EXOG: variants seen among roughly 807,000 people sequenced by gnomAD.
The protein encoded by EXOG is exo/endonuclease G.
EXOG carries 27 observed loss-of-function variants against 25.8 expected under a neutral mutation model. The ratio of observed to expected loss-of-function variants is 1.05; its 90% CI spans 0.77 to 1.45. EXOG has a LOEUF of 1.45. Ranked by LOEUF, EXOG falls within the 40% of genes most tolerant of loss-of-function variation. The pLI is 0.00. For missense variants in EXOG, 458 were observed against 450.5 expected (o/e 1.02, Z -0.15); for synonymous variants, 133 against 167.0 (o/e 0.80, Z 1.57).
Position 38,525,071 on chromosome 3 carries a change from C to G in EXOG, c.*709C>G. 1 of 984,586 alleles carries G rather than the reference C, an allele frequency of 1.0e-6. No individual in the cohort carries two copies. 61.0% of individuals were successfully genotyped at this position (984,586 alleles called of 1,614,324 possible). ...CTGCTCGTTTCTCTACTTCTGTCTA[C>G]GTAGAAGCACTCAGCAACTAGTTTC... On this transcript the variant is annotated 3_prime_UTR_variant, in exon 6 of 6. Coordinates refer to ENST00000287675, the MANE Select transcript of EXOG (RefSeq NM_005107.4).
At chr3:38,523,256 A>T in intron 5 of EXOG, 1 of 1,286,902 alleles carries the variant, frequency 7.8e-7, no homozygotes, top group Non-Finnish European at 1.0e-6. Flanking sequence ...AGAGAAAATG[A>T]CAGCTTTTCT....
intron 5 of EXOG, among the ~76,000 whole-genome samples, chr3:38,509,083 T>C (rs951288048): frequency 2.0e-5 from 3 of 152,168 alleles, no homozygotes; most frequent in Non-Finnish European, 4.4e-5. Context: ...TTTTATAGTC[T>C]TAGGAGAAAA....
intron 5 of EXOG, among the ~76,000 whole-genome samples, chr3:38,521,188 T>A (rs1177061842): frequency 6.6e-6 from 1 of 152,178 alleles, no homozygotes; most frequent in African/African-American, 2.4e-5. Flanking sequence ...TGGCTAAGTT[T>A]TTATTTTTCT....
At chr3:38,503,073 G>C (rs899177927) in intron 3 of EXOG, among the ~76,000 whole-genome samples, 1 of 152,182 alleles carries the variant, frequency 6.6e-6, no homozygotes, top group South Asian at 2.1e-4. Flanking sequence ...GAGAGCGACT[G>C]CTTGAAGAGA....
intron 2 of EXOG, chr3:38,499,833 G>A (rs1575608675): frequency 5.5e-6 from 2 of 364,968 alleles, no homozygotes; most frequent in East Asian, 7.5e-5. Context: ...GTGGCGAATT[G>A]CTAGGTTAGT....
intron 3 of EXOG, 149 bp from the exon 4 acceptor site, chr3:38,503,466 A>G (rs2125759094): frequency 1.9e-6 from 1 of 518,620 alleles, no homozygotes; most frequent in African/African-American, 1.9e-5. Context: ...TCCTGGAATA[A>G]TTATGGCTTT....
At chr3:38,504,182 A>G (rs1575620135) in intron 4 of EXOG, among the ~76,000 whole-genome samples, 1 of 152,122 alleles carries the variant, frequency 6.6e-6, no homozygotes, top group Non-Finnish European at 1.5e-5. Flanking sequence ...GGCCTGGGAC[A>G]TAGTGAAGCC....
intron 5 of EXOG, among the ~76,000 whole-genome samples, chr3:38,522,534 C>T (rs1228926229): frequency 2.0e-5 from 3 of 152,160 alleles, no homozygotes; most frequent in East Asian, 1.9e-4. Flanking sequence ...GATGGAGTTT[C>T]GCTCTTGTTG....
At position 38,525,153 on chromosome 3, in the gene EXOG, A is replaced by G. The variant is rs2060840851; in HGVS notation, c.*791A>G. 1 of 924,214 alleles carries G rather than the reference A, an allele frequency of 1.1e-6. No homozygotes were observed. Among genetic ancestry groups the G allele is most frequent in the Non-Finnish European group, 1.3e-6 (1 of 774,818 alleles). 57.3% of individuals were successfully genotyped at this position (924,214 alleles called of 1,614,324 possible). ...CAGTGCTTTACATGTGTTGTCTCAC[A>G]ATGACTCTCTGAGGTAAATACACTA... On this transcript the variant is annotated 3_prime_UTR_variant, in exon 6 of 6. Coordinates refer to ENST00000287675, the MANE Select transcript of EXOG (RefSeq NM_005107.4).
At chr3:38,508,848 A>G (rs2125773320) in intron 5 of EXOG, among the ~76,000 whole-genome samples, 1 of 152,236 alleles carries the variant, frequency 6.6e-6, no homozygotes, top group African/African-American at 2.4e-5. Context: ...TGAATAGCCC[A>G]CTTTCTCTTT....
chr3:38,525,574 A>C lies in EXOG; in HGVS notation c.*1212A>C. On this transcript the variant is annotated 3_prime_UTR_variant, in exon 6 of 6. Coordinates refer to ENST00000287675, the MANE Select transcript of EXOG (RefSeq NM_005107.4). ...TTGCCTCCAGAGATACAGTTCTTTT[A>C]GTGACCAGATACTGCCAAATTGATG... 2.0e-6 allele frequency: 2 copies of C among 985,340 alleles called. No individual in the cohort carries two copies. The highest frequency in any genetic ancestry group is 2.4e-6 in the Non-Finnish European group (2 of 829,848). 61.0% of individuals were successfully genotyped at this position (985,340 alleles called of 1,614,324 possible).
rs147442144 is a variant in EXOG, at chr3:38,510,789, A to G, written c.645+3821A>G. 1.0e-3 allele frequency among the ~76,000 whole-genome samples: 159 copies of G among 152,168 alleles called. 1 individual carries two copies. The East Asian group carries it at 0.028, about 27-fold the overall frequency. ...TTCAAGCTAGCCTTAAAGAGTTTCA[A>G]AAGAGACCTATCAGCTCTCCTCACC... On this transcript the variant is annotated intron_variant, in intron 5 of 5. Coordinates refer to ENST00000287675, the MANE Select transcript of EXOG (RefSeq NM_005107.4).
chr3:38,521,210 G>A (rs1559699250), intron 5 of EXOG, among the ~76,000 whole-genome samples: 1 of 152,178 alleles, frequency 6.6e-6, no homozygotes, highest in Non-Finnish European at 1.5e-5. Context: ...CTTAGTTCTA[G>A]GGATAGTATT....
chr3:38,501,083 C>T (rs2060030383), intron 2 of EXOG: 1 of 278,160 alleles, frequency 3.6e-6, no homozygotes, highest in Non-Finnish European at 6.7e-6. Flanking sequence ...ACTTAAAATA[C>T]TATTCAGAGG....
intron 5 of EXOG, among the ~76,000 whole-genome samples, chr3:38,519,785 T>C (rs2060651778): frequency 6.6e-6 from 1 of 152,206 alleles, no homozygotes; most frequent in Non-Finnish European, 1.5e-5. Context: ...CTTCCAGGGT[T>C]TGTGCTGCCA....
intron 5 of EXOG, chr3:38,523,208 G>C (rs1192200269): frequency 4.7e-6 from 6 of 1,289,490 alleles, no homozygotes; most frequent in East Asian, 5.6e-5. Flanking sequence ...TTTGACCTTT[G>C]AATGTTTGGA....
At chr3:38,511,383 C>T (rs1232799397) in intron 5 of EXOG, among the ~76,000 whole-genome samples, 1 of 151,868 alleles carries the variant, frequency 6.6e-6, no homozygotes, top group African/African-American at 2.4e-5. Context: ...TCCTAATCCT[C>T]GGAACCATAA....
chr3:38,512,993 G>A (rs1048224040), intron 5 of EXOG, among the ~76,000 whole-genome samples: 2 of 152,046 alleles, frequency 1.3e-5, no homozygotes, highest in Admixed American at 6.6e-5. Context: ...TAGAGGTGGG[G>A]GTCTCACTAT....
chr3:38,522,449 G>T (rs892210549), intron 5 of EXOG, among the ~76,000 whole-genome samples: 9 of 152,198 alleles, frequency 5.9e-5, no homozygotes, highest in African/African-American at 2.2e-4. Context: ...CAGTTATTGG[G>T]GACCATTAAG....
Sources: gnomAD v4.1 joint callset for allele counts (sites outside exome capture counted in the v4.1 genomes callset) on GRCh38, gnomAD v4.1.1 for gene constraint, MANE v1.5 for transcripts, NCBI Gene and HGNC (gene_info 2026-07-23, HGNC 2026-07-21) for gene names.